SCRG1: variants seen among roughly 807,000 people sequenced by gnomAD.
The protein encoded by SCRG1 is scrapie-responsive protein 1.
A neutral mutation model predicts 7.7 loss-of-function variants in SCRG1; 3 were observed. That is an observed-to-expected ratio of 0.39 (90% confidence interval 0.18 to 1.01). The LOEUF is 1.01. Ranked by LOEUF, SCRG1 falls within the 50% of genes least tolerant of loss-of-function variation. The pLI is 0.36. For missense variants in SCRG1, 110 were observed against 117.2 expected, an observed-to-expected ratio of 0.94 and a Z score of 0.28; for synonymous variants, 46 against 41.2, an observed-to-expected ratio of 1.12 and a Z score of -0.44.
At chr4:173,419,473 C>T in the SCRG1 span, 1 of 873,900 alleles carries the variant, frequency 1.1e-6, no homozygotes, top group Non-Finnish European at 1.9e-6. Context: ...ATTGAGAGAA[C>T]TGTTTTTTGG....
chr4:173,483,822 A>G, the SCRG1 span, among the ~76,000 whole-genome samples: 9 of 16,822 alleles, frequency 5.4e-4, no homozygotes, highest in African/African-American at 1.1e-3. Flanking sequence ...TAATATATAT[A>G]ATATATATAA....
At chr4:173,439,999 CT>C in the SCRG1 span, among the ~76,000 whole-genome samples, 13 of 152,192 alleles carry the variant, frequency 8.5e-5, no homozygotes, top group African/African-American at 2.9e-4. Context: ...TCAGAGAAGT[CT>C]TTCTGACATG....
intron 1 of SCRG1, 94 bp from the exon 2 acceptor site, chr4:173,391,522 G>A: frequency 7.7e-7 from 1 of 1,295,150 alleles, no homozygotes; most frequent in Admixed American, 2.0e-5. Context: ...ATAAACCCTT[G>A]GATAGAAAGA....
At chr4:173,461,973 T>C in the SCRG1 span, among the ~76,000 whole-genome samples, 21 of 151,962 alleles carry the variant, frequency 1.4e-4, no homozygotes, top group Non-Finnish European at 2.9e-4. Context: ...AAAGAATTAG[T>C]GGGCTTGAAG....
At chr4:173,476,380 A>ATATATATATAT in the SCRG1 span, among the ~76,000 whole-genome samples, 10 of 138,568 alleles carry the variant, frequency 7.2e-5, no homozygotes, top group African/African-American at 1.0e-4. Flanking sequence ...ATATATATAT[A>ATATATATATAT]ATGAATTGAA....
the SCRG1 span, among the ~76,000 whole-genome samples, chr4:173,513,163 A>C: frequency 2.0e-5 from 3 of 152,220 alleles, no homozygotes; most frequent in African/African-American, 7.2e-5. Flanking sequence ...ACAAAAATTG[A>C]GAAGCCACAT....
upstream of SCRG1, among the ~76,000 whole-genome samples, chr4:173,407,207 CA>C (rs113112174): frequency 0.051 from 4,242 of 82,940 alleles, 163 homozygotes; most frequent in African/African-American, 0.14. Context: ...AGATCCATCT[CA>C]AAAAAAAAAA....
the SCRG1 span, among the ~76,000 whole-genome samples, chr4:173,443,258 T>TGA: frequency 6.6e-6 from 1 of 152,142 alleles, no homozygotes; most frequent in Non-Finnish European, 1.5e-5. Flanking sequence ...AAGGAAATGA[T>TGA]GAGAGACTTG....
the SCRG1 span, among the ~76,000 whole-genome samples, chr4:173,509,449 A>G: frequency 6.6e-6 from 1 of 152,174 alleles, no homozygotes; most frequent in Non-Finnish European, 1.5e-5. This position sits in a 1 kb window ranked among gnomAD's most constrained non-coding sequence, Gnocchi z 5.7. Flanking sequence ...CGGTGTCGGT[A>G]GCGGGGGCCG....
At chr4:173,510,471 T>G in the SCRG1 span, among the ~76,000 whole-genome samples, 1 of 151,948 alleles carries the variant, frequency 6.6e-6, no homozygotes, top group Non-Finnish European at 1.5e-5. This position sits in a 1 kb window ranked among gnomAD's most constrained non-coding sequence, Gnocchi z 5.7. Context: ...AGAGCCACTT[T>G]GGTGCCTACC....
the SCRG1 span, among the ~76,000 whole-genome samples, chr4:173,499,317 T>A: frequency 6.6e-6 from 1 of 152,176 alleles, no homozygotes; most frequent in Non-Finnish European, 1.5e-5. The surrounding 1 kb of genome is among the most constrained non-coding windows in gnomAD (Gnocchi z 4.1). Flanking sequence ...TGAGCAAATT[T>A]CACCTAGAAA....
At chr4:173,477,497 T>A in the SCRG1 span, among the ~76,000 whole-genome samples, 1 of 152,100 alleles carries the variant, frequency 6.6e-6, no homozygotes, top group East Asian at 1.9e-4. Flanking sequence ...AGAGCTGGGA[T>A]ACTCTCCTCT....
the SCRG1 span, among the ~76,000 whole-genome samples, chr4:173,460,323 C>T: frequency 3.9e-5 from 6 of 152,210 alleles, no homozygotes; most frequent in Admixed American, 1.3e-4. Context: ...CATACTGAGA[C>T]ACCAGCTGGG....
At chr4:173,449,736 C>A in the SCRG1 span, among the ~76,000 whole-genome samples, 1 of 152,208 alleles carries the variant, frequency 6.6e-6, no homozygotes, top group South Asian at 2.1e-4. Flanking sequence ...GGCAGTATTT[C>A]TCAATAGCTT....
chr4:173,453,146 A>G, the SCRG1 span, among the ~76,000 whole-genome samples: 1 of 152,214 alleles, frequency 6.6e-6, no homozygotes, highest in Non-Finnish European at 1.5e-5. Flanking sequence ...CGTAAGTTGC[A>G]TTATAGGAGA....
chr4:173,416,075 C>T, the SCRG1 span, among the ~76,000 whole-genome samples: 1 of 152,234 alleles, frequency 6.6e-6, no homozygotes, highest in African/African-American at 2.4e-5. Flanking sequence ...TCTCCTCTCC[C>T]GCAGTGTAGA....
the SCRG1 span, among the ~76,000 whole-genome samples, chr4:173,420,702 G>A: frequency 6.7e-6 from 1 of 148,834 alleles, no homozygotes; most frequent in African/African-American, 2.5e-5. Flanking sequence ...TGGGAGCCAA[G>A]CTGAAAAAAA....
the SCRG1 span, among the ~76,000 whole-genome samples, chr4:173,476,363 A>AAAAAAAAAAATATGTATATATAT: frequency 1.0e-5 from 1 of 98,484 alleles, no homozygotes; most frequent in Non-Finnish European, 2.3e-5. Context: ...GGAAAAAAAA[A>AAAAAAAAAAATATGTATATATAT]ATATATATAT....
At chr4:173,515,175 G>A in the SCRG1 span, among the ~76,000 whole-genome samples, 1 of 152,220 alleles carries the variant, frequency 6.6e-6, no homozygotes, top group Non-Finnish European at 1.5e-5. This position sits in a 1 kb window ranked among gnomAD's most constrained non-coding sequence, Gnocchi z 4.6. Flanking sequence ...GGTTTCCCCA[G>A]CTGTTTGCAG....
Sources: allele counts gnomAD v4.1 joint callset (sites outside exome capture counted in the v4.1 genomes callset), GRCh38; gene constraint gnomAD v4.1.1; non-coding constraint Gnocchi (gnomAD v3.1); transcripts MANE v1.5; gene names NCBI Gene and HGNC (gene_info 2026-07-23, HGNC 2026-07-21).